The following ERC2 variants were observed in gnomAD, a reference collection of about 807,000 sequenced individuals.
The protein encoded by ERC2 is ERC protein 2.
Under a neutral mutation model 114.8 loss-of-function variants are expected in ERC2, and 42 were observed. The observed-to-expected ratio is 0.37, with a 90% CI of 0.29 to 0.47. ERC2 has a LOEUF of 0.47. ERC2 is among the 20% of genes least tolerant of loss of function. The pLI, the probability that ERC2 is intolerant of heterozygous loss-of-function variation, is 0.99. For synonymous variants in ERC2, 454 were observed against 425.5 expected, an observed-to-expected ratio of 1.07 and a Z score of -0.82; for missense variants, 939 against 1,150.7, an observed-to-expected ratio of 0.82 and a Z score of 2.66.
chr3:56,331,580 C>T (rs915411925), intron 2 of ERC2, among the ~76,000 whole-genome samples: 2 of 152,158 alleles, frequency 1.3e-5, no homozygotes, highest in Non-Finnish European at 2.9e-5. Context: ...AAGTTTCTAC[C>T]ACCCAGAAAG....
At chr3:55,917,674 A>G (rs2065181898) in intron 13 of ERC2, among the ~76,000 whole-genome samples, 1 of 152,184 alleles carries the variant, frequency 6.6e-6, no homozygotes, top group Admixed American at 6.5e-5. Context: ...AACTGGTTAT[A>G]GGTACAGAGT....
intron 16 of ERC2, among the ~76,000 whole-genome samples, chr3:55,694,601 A>G (rs2062835746): frequency 6.6e-6 from 1 of 152,204 alleles, no homozygotes; most frequent in South Asian, 2.1e-4. Flanking sequence ...ATGAGCGAGT[A>G]TTTGCATTCA....
chr3:56,229,044 T>G (rs1301027701), intron 3 of ERC2, among the ~76,000 whole-genome samples: 1 of 152,200 alleles, frequency 6.6e-6, no homozygotes, highest in East Asian at 1.9e-4. Flanking sequence ...AATGCTTTTT[T>G]CCAGAACTTC....
At chr3:55,935,786 C>T (rs1160926056) in intron 13 of ERC2, among the ~76,000 whole-genome samples, 1 of 152,098 alleles carries the variant, frequency 6.6e-6, no homozygotes, top group African/African-American at 2.4e-5. Context: ...CGCTGCCCTC[C>T]CTGCTCTCCA....
intron 17 of ERC2, among the ~76,000 whole-genome samples, chr3:55,533,703 C>T (rs2053813743): frequency 1.3e-5 from 2 of 152,172 alleles, no homozygotes; most frequent in African/African-American, 4.8e-5. Flanking sequence ...CAAACAGCAA[C>T]ACACGTGTGC....
intron 14 of ERC2, among the ~76,000 whole-genome samples, chr3:55,769,215 T>C (rs546300679): frequency 2.0e-5 from 3 of 152,278 alleles, no homozygotes; most frequent in Admixed American, 6.5e-5. Context: ...CCTCTTAACA[T>C]TAAAGAAGTC....
At chr3:56,026,011 A>G (rs1033569579) in intron 7 of ERC2, among the ~76,000 whole-genome samples, 6 of 151,850 alleles carry the variant, frequency 4.0e-5, no homozygotes, top group Non-Finnish European at 5.9e-5. Context: ...TCAGCTTATA[A>G]AAAAGTAAGT....
chr3:56,032,913 A>AAGAAAGAGAGAGAGAGAGAC (rs2074477738), intron 7 of ERC2, among the ~76,000 whole-genome samples: 34 of 68,638 alleles, frequency 5.0e-4, no homozygotes, highest in Admixed American at 8.0e-4. Context: ...GAAAGAAAGA[A>AAGAAAGAGAGAGAGAGAGAC]AGAAAGAAAG....
intron 2 of ERC2, among the ~76,000 whole-genome samples, chr3:56,362,287 T>C (rs2058987947): frequency 6.6e-6 from 1 of 152,228 alleles, no homozygotes; most frequent in Admixed American, 6.5e-5. Flanking sequence ...TTTATCCAAC[T>C]TCCTGTTTTA....
intron 2 of ERC2, among the ~76,000 whole-genome samples, chr3:56,335,829 G>C (rs1002651977): frequency 2.0e-5 from 3 of 152,232 alleles, no homozygotes; most frequent in African/African-American, 7.2e-5. Context: ...CTCATCGGCT[G>C]AATGAAAAAA....
At chr3:56,418,123 CA>C (rs899940710) in intron 2 of ERC2, among the ~76,000 whole-genome samples, 8 of 150,124 alleles carry the variant, frequency 5.3e-5, no homozygotes, top group East Asian at 1.9e-4. Context: ...CCTGTCTCTA[CA>C]AAAAAAAATT....
chr3:55,849,328 A>C (rs930083179), intron 14 of ERC2, among the ~76,000 whole-genome samples: 1 of 152,168 alleles, frequency 6.6e-6, no homozygotes, highest in Non-Finnish European at 1.5e-5. Context: ...TTTCTAACTA[A>C]GAAGTGTTCA....
chr3:55,679,892 A>G (rs2061979090), intron 17 of ERC2, among the ~76,000 whole-genome samples: 1 of 152,192 alleles, frequency 6.6e-6, no homozygotes, highest in Non-Finnish European at 1.5e-5. Context: ...CCTAGTGTCC[A>G]GACCCTGTCC....
intron 17 of ERC2, among the ~76,000 whole-genome samples, chr3:55,542,070 T>C (rs1418531734): frequency 6.6e-6 from 1 of 152,186 alleles, no homozygotes; most frequent in African/African-American, 2.4e-5. Context: ...GTTGAGAAAA[T>C]TGAGACAGAA....
chr3:56,329,408 T>G (rs1035506363), intron 2 of ERC2, among the ~76,000 whole-genome samples: 3 of 152,168 alleles, frequency 2.0e-5, no homozygotes, highest in African/African-American at 7.2e-5. Context: ...AGGAGCCCTA[T>G]CAGGTTCTCA....
chr3:56,092,767 C>T (rs2077861821), intron 6 of ERC2, among the ~76,000 whole-genome samples: 1 of 152,074 alleles, frequency 6.6e-6, no homozygotes, highest in Admixed American at 6.6e-5. Flanking sequence ...AGCCCATCTT[C>T]AAAACATTTG....
At chr3:55,864,261 G>A (rs1187123139) in intron 14 of ERC2, among the ~76,000 whole-genome samples, 1 of 148,242 alleles carries the variant, frequency 6.7e-6, no homozygotes. Flanking sequence ...ATATATATGT[G>A]TGTGTGTATG....
chr3:55,685,184 G>A (rs560149611), intron 16 of ERC2, among the ~76,000 whole-genome samples: 1 of 152,236 alleles, frequency 6.6e-6, no homozygotes, highest in East Asian at 1.9e-4. Context: ...ATTCTGAGAA[G>A]AGATCCAGAG....
intron 14 of ERC2, among the ~76,000 whole-genome samples, chr3:55,832,773 G>A (rs186457173): frequency 1.3e-5 from 2 of 152,216 alleles, no homozygotes; most frequent in African/African-American, 4.8e-5. Context: ...ACTTTGACGA[G>A]TTGAGAGAAG....
Sources: gnomAD v4.1 joint callset for allele counts (sites outside exome capture counted in the v4.1 genomes callset) on GRCh38, gnomAD v4.1.1 for gene constraint, MANE v1.5 for transcripts, NCBI Gene and HGNC (gene_info 2026-07-23, HGNC 2026-07-21) for gene names.